Variants in AOPEP observed in about 807,000 individuals in gnomAD.
AOPEP encodes aminopeptidase O.
In AOPEP, 77 loss-of-function variants were observed where a neutral mutation model predicts 98.1. The observed-to-expected ratio is 0.78, with a 90% confidence interval of 0.65 to 0.95. The LOEUF is 0.95. Among genes scored for constraint, AOPEP ranks in the 40% least tolerant of loss-of-function variants. The pLI is 0.00. For synonymous variants in AOPEP, 346 were observed against 365.3 expected (o/e 0.95, Z 0.60); for missense variants, 1,024 against 1,024.7 (o/e 1.00, Z 0.01).
At chr9:95,016,513 GA>G in intron 13 of AOPEP, among the ~76,000 whole-genome samples, 1 of 152,122 alleles carries the variant, frequency 6.6e-6, no homozygotes, top group South Asian at 2.1e-4. Context: ...AAAGTGCTGG[GA>G]TTACAGGTGT....
chr9:94,735,537 A>G (rs1463887554), intron 1 of AOPEP, among the ~76,000 whole-genome samples: 1 of 152,124 alleles, frequency 6.6e-6, no homozygotes. Context: ...TGCATTTTTA[A>G]CAGGCACCAC....
intron 6 of AOPEP, among the ~76,000 whole-genome samples, chr9:94,925,371 T>G (rs1184283265): frequency 6.6e-6 from 1 of 152,226 alleles, no homozygotes; most frequent in Non-Finnish European, 1.5e-5. Flanking sequence ...TTTTCCAAAA[T>G]TCCCAAGTTT....
At chr9:94,814,969 C>G (rs937643605) in intron 5 of AOPEP, among the ~76,000 whole-genome samples, 1 of 152,114 alleles carries the variant, frequency 6.6e-6, no homozygotes, top group African/African-American at 2.4e-5. Flanking sequence ...GGAGTCCTTG[C>G]TTGGCTTTTG....
intron 5 of AOPEP, among the ~76,000 whole-genome samples, chr9:94,901,620 A>G (rs2050416636): frequency 1.3e-5 from 2 of 152,154 alleles, no homozygotes; most frequent in Non-Finnish European, 2.9e-5. Flanking sequence ...TTCACTTAAA[A>G]TGTGTATAAT....
intron 16 of AOPEP, chr9:95,085,068 A>G: frequency 2.8e-6 from 1 of 354,640 alleles, no homozygotes; most frequent in South Asian, 2.1e-5. Flanking sequence ...TCAAGAAATT[A>G]TACCTCTAGG....
intron 5 of AOPEP, chr9:94,809,832 C>T (rs1320702999): frequency 6.5e-6 from 1 of 154,230 alleles, no homozygotes; most frequent in Non-Finnish European, 1.5e-5. Flanking sequence ...AATTCTGTCA[C>T]TTTTATCCCA....
chr9:94,948,810 T>C lies in AOPEP; in HGVS notation c.1662-6367T>C, dbSNP rs190700889. 3.3e-5 allele frequency among the ~76,000 whole-genome samples: 5 copies of C among 152,344 alleles called. No homozygotes were observed. The East Asian group carries it at 9.6e-4, about 29-fold the overall frequency. On this transcript the variant is annotated intron_variant, in intron 7 of 16. Coordinates refer to ENST00000375315, the MANE Select transcript of AOPEP (RefSeq NM_001193329.3). ...AATGGGAGTTGAGTCATTCTGTTCT[T>C]TCTGCCACCTCTTGGCACCTGGTCT... is the stretch of plus-strand genomic sequence containing the variant.
intron 5 of AOPEP, among the ~76,000 whole-genome samples, chr9:94,909,346 T>TAAAAA (rs3052031): frequency 2.4e-4 from 20 of 81,960 alleles, no homozygotes; most frequent in South Asian, 5.5e-4. Flanking sequence ...TTTGGAGCCT[T>TAAAAA]AAAAAAAAAA....
At chr9:94,964,833 G>T (rs2059090991) in intron 9 of AOPEP, among the ~76,000 whole-genome samples, 1 of 151,838 alleles carries the variant, frequency 6.6e-6, no homozygotes, top group African/African-American at 2.4e-5. Flanking sequence ...TAGAGACGGG[G>T]TTTCACTATG....
chr9:95,141,121 G>A, the AOPEP span, among the ~76,000 whole-genome samples: 152 of 151,762 alleles, frequency 1.0e-3, 2 homozygotes, highest in African/African-American at 3.6e-3. Flanking sequence ...ACCAGCCTGG[G>A]CAATATGGCA....
the AOPEP span, among the ~76,000 whole-genome samples, chr9:95,115,041 A>G: frequency 6.6e-6 from 1 of 152,154 alleles, no homozygotes; most frequent in African/African-American, 2.4e-5. Context: ...CCTGGGCTCA[A>G]GCGATCTTCC....
chr9:95,084,942 A>G (rs1490867777), intron 16 of AOPEP, among the ~76,000 whole-genome samples: 2 of 152,210 alleles, frequency 1.3e-5, no homozygotes, highest in Non-Finnish European at 2.9e-5. Flanking sequence ...CAGTAAACTA[A>G]TAGCAAGGAC....
chr9:94,756,976 CAGT>C (rs1364781021), intron 1 of AOPEP, among the ~76,000 whole-genome samples: 1 of 152,200 alleles, frequency 6.6e-6, no homozygotes, highest in Non-Finnish European at 1.5e-5. Flanking sequence ...TAGCCTTCAT[CAGT>C]AGCGATATTT....
In AOPEP at chr9:94,928,530, A is replaced by C. The variant is rs1458729518; in HGVS notation, c.1660A>C (p.Arg554=). The part of the protein sequence containing the change: ...QCSPEEMQVL[R]PSKDKTGHTS... ...CTCCCCCGAGGAGATGCAGGTGTTA[A>C]GGTAAAGCTGCATGGTGATCCACAG... is the stretch of plus-strand genomic sequence containing the variant. The change falls in exon 7 of 17, where the codon AGA becomes CGA. Residue 554 remains arginine (R), a splice_region_variant and synonymous_variant. Transcript: ENST00000375315. The C allele has an allele frequency of 1.5e-5, 23 of 1,546,956 alleles. No individual in the cohort carries two copies. The highest frequency in any genetic ancestry group is 1.9e-5 in the Non-Finnish European group (22 of 1,143,494).
At chr9:94,757,333 A>G (rs964066579) in intron 1 of AOPEP, among the ~76,000 whole-genome samples, 6 of 152,268 alleles carry the variant, frequency 3.9e-5, no homozygotes, top group African/African-American at 1.2e-4. Context: ...AGTATGCGAA[A>G]GAATCCACTA....
chr9:94,760,636 G>T, intron 2 of AOPEP, 56 bp downstream of exon 2: 3 of 1,397,004 alleles, frequency 2.1e-6, no homozygotes, highest in African/African-American at 2.9e-5. Context: ...ACGCTGCGGG[G>T]ATGCTTTCAA....
rs2060136879 is a variant in AOPEP at position 94,980,819 on chromosome 9, T to C, written c.1977+1392T>C. On this transcript the variant is annotated intron_variant, in intron 11 of 16. Coordinates refer to ENST00000375315, the MANE Select transcript of AOPEP (RefSeq NM_001193329.3). The surrounding 1 kb of genome is among the most constrained non-coding windows in gnomAD (Gnocchi z 4.3). ...GACGGTGACTTCCAAACCAGACTAC[T>C]CACTGAGGACAAACATCCAGGAAAA... Among the ~76,000 whole-genome samples, 1 of 152,334 alleles carries C rather than the reference T, an allele frequency of 6.6e-6. No individual in the cohort carries two copies. Among genetic ancestry groups the C allele is most frequent in the African/African-American group, 2.4e-5 (1 of 41,572 alleles).
intron 13 of AOPEP, among the ~76,000 whole-genome samples, chr9:95,011,336 C>T (rs947851216): frequency 2.6e-5 from 4 of 151,816 alleles, no homozygotes; most frequent in African/African-American, 9.7e-5. Flanking sequence ...GCTGGGACTA[C>T]AGGCACGTGC....
chr9:94,892,790 T>C (rs2049021154), intron 5 of AOPEP, among the ~76,000 whole-genome samples: 1 of 152,226 alleles, frequency 6.6e-6, no homozygotes. Flanking sequence ...AATGGCTCAC[T>C]GGAGTCTTGA....
Sources: allele counts gnomAD v4.1 joint callset (sites outside exome capture counted in the v4.1 genomes callset), GRCh38; gene constraint gnomAD v4.1.1; non-coding constraint Gnocchi (gnomAD v3.1); transcripts MANE v1.5; gene names NCBI Gene and HGNC (gene_info 2026-07-23, HGNC 2026-07-21).